The following CARMIL1 variants were observed in gnomAD, a reference collection of about 807,000 sequenced individuals.
CARMIL1 encodes the protein F-actin-uncapping protein LRRC16A.
In CARMIL1, 90 loss-of-function variants were observed where a neutral mutation model predicts 177.1. The observed-to-expected ratio is 0.51, with a 90% CI of 0.43 to 0.61. The LOEUF is 0.61. Among genes scored for constraint, CARMIL1 ranks in the 20% least tolerant of loss-of-function variants. The pLI, the probability that CARMIL1 is intolerant of heterozygous loss-of-function variation, is 0.00. For missense variants in CARMIL1, 1,380 were observed against 1,667.0 expected (o/e 0.83, Z 3.00); for synonymous variants, 577 against 606.2 (o/e 0.95, Z 0.71).
chr6:25,446,049 TC>T (rs1798204494), intron 5 of CARMIL1, among the ~76,000 whole-genome samples: 1 of 152,184 alleles, frequency 6.6e-6, no homozygotes. Flanking sequence ...TGTAAATAGA[TC>T]TGCTATCACC....
chr6:25,486,262 C>T (rs1802645689), intron 12 of CARMIL1, among the ~76,000 whole-genome samples: 1 of 152,026 alleles, frequency 6.6e-6, no homozygotes, highest in Non-Finnish European at 1.5e-5. Flanking sequence ...TAACACAGGC[C>T]TCATGTGAGC....
In CARMIL1 at chr6:25,322,006, C is replaced by T. The variant is rs185575116; in HGVS notation, c.138+37097C>T. Among the ~76,000 whole-genome samples, 203 of 152,168 alleles carry T rather than the reference C, an allele frequency of 1.3e-3. 2 individuals carry two copies. Among genetic ancestry groups the T allele is most frequent in the South Asian group, 0.013 (64 of 4,818 alleles). ...ACCAGGTCACGCTGTGTTGCCTAGG[C>T]TGCGTTAGAACTCCTGGGCTCAAGA... On this transcript the variant is annotated intron_variant, in intron 2 of 36. Transcript: ENST00000329474.
intron 32 of CARMIL1, among the ~76,000 whole-genome samples, chr6:25,596,991 G>T (rs1814922599): frequency 6.6e-6 from 1 of 152,052 alleles, no homozygotes; most frequent in South Asian, 2.1e-4. Flanking sequence ...CTTATGAGTG[G>T]GTAATTTATA....
intron 5 of CARMIL1, among the ~76,000 whole-genome samples, chr6:25,443,927 C>T (rs191112685): frequency 1.1e-4 from 16 of 152,178 alleles, no homozygotes; most frequent in Admixed American, 4.6e-4. Flanking sequence ...CCTCAGCCTC[C>T]GGAGTAGCTG....
intron 2 of CARMIL1, among the ~76,000 whole-genome samples, chr6:25,347,067 G>A (rs958688216): frequency 1.3e-5 from 2 of 152,148 alleles, no homozygotes; most frequent in African/African-American, 2.4e-5. Flanking sequence ...TAAGGATGGG[G>A]CAACTTAACA....
At chr6:25,320,997 C>T (rs1194995113) in intron 2 of CARMIL1, among the ~76,000 whole-genome samples, 1 of 152,176 alleles carries the variant, frequency 6.6e-6, no homozygotes, top group Admixed American at 6.5e-5. Context: ...GCCCATGGGC[C>T]ATGAATTGGA....
intron 29 of CARMIL1, among the ~76,000 whole-genome samples, chr6:25,570,725 G>A (rs944953047): frequency 1.3e-5 from 2 of 152,200 alleles, no homozygotes; most frequent in Non-Finnish European, 2.9e-5. Flanking sequence ...TAACTTTTAT[G>A]TGAAATGAGA....
chr6:25,459,280 TAA>T (rs1398676668), intron 8 of CARMIL1, among the ~76,000 whole-genome samples: 34 of 129,052 alleles, frequency 2.6e-4, no homozygotes, highest in East Asian at 6.7e-4. Flanking sequence ...TTTTTTTTTT[TAA>T]GACAGGGTCT....
chr6:25,580,348 G>A lies in CARMIL1; in HGVS notation c.2743-576G>A, dbSNP rs112552016. Among the ~76,000 whole-genome samples, 457 of 152,294 alleles carry A rather than the reference G, an allele frequency of 3.0e-3. 3 individuals carry two copies. Among genetic ancestry groups the A allele is most frequent in the African/African-American group, 9.7e-3 (403 of 41,566 alleles). On this transcript the variant is annotated intron_variant, in intron 29 of 36. Coordinates refer to ENST00000329474, the MANE Select transcript of CARMIL1 (RefSeq NM_017640.6). ...GTTTTGGCCCTTGGTTTGAGTTTCG[G>A]TTTCATTTTTTAGAAGATTAACAGG...
At chr6:25,406,423 T>G (rs1048217852) in intron 2 of CARMIL1, among the ~76,000 whole-genome samples, 5 of 151,114 alleles carry the variant, frequency 3.3e-5, no homozygotes, top group Admixed American at 3.3e-4. Flanking sequence ...CTGAAGAGCT[T>G]AAGCAGAGAA....
intron 2 of CARMIL1, among the ~76,000 whole-genome samples, chr6:25,356,569 T>C (rs1313353145): frequency 6.6e-6 from 1 of 152,178 alleles, no homozygotes; most frequent in Non-Finnish European, 1.5e-5. Context: ...CTTTCTCAAT[T>C]TAGTACAAGG....
intron 2 of CARMIL1, among the ~76,000 whole-genome samples, chr6:25,373,290 G>T (rs1481835111): frequency 6.6e-6 from 1 of 151,730 alleles, no homozygotes; most frequent in Non-Finnish European, 1.5e-5. Flanking sequence ...AGTTATAGAG[G>T]ATGCCCTCTT....
intron 23 of CARMIL1, chr6:25,527,684 G>A (rs542027253): frequency 1.5e-4 from 65 of 447,090 alleles, no homozygotes; most frequent in Admixed American, 7.9e-4. Context: ...TTCATTTCAG[G>A]TATCTTTTCG....
chr6:25,358,725 A>G (rs533490161), intron 2 of CARMIL1, among the ~76,000 whole-genome samples: 2 of 152,344 alleles, frequency 1.3e-5, no homozygotes, highest in African/African-American at 4.8e-5. Flanking sequence ...GAAGTGATAT[A>G]TTGCTGAAGT....
At chr6:25,410,172 A>AT (rs1460716860) in intron 2 of CARMIL1, among the ~76,000 whole-genome samples, 1 of 150,936 alleles carries the variant, frequency 6.6e-6, no homozygotes, top group Non-Finnish European at 1.5e-5. Flanking sequence ...GAAAATATGT[A>AT]TTTTTTTCAT....
In CARMIL1 at chr6:25,594,537, G is replaced by T; in HGVS notation, c.3119+10G>T. ...CCAAAATGGATTCCAAGTGAGTTCA[G>T]AGTAATTTCACTGATAATGCTATTT... On this transcript the variant is annotated intron_variant, in intron 32 of 36. Coordinates refer to ENST00000329474, the MANE Select transcript of CARMIL1 (RefSeq NM_017640.6). The T allele has an allele frequency of 6.9e-7, 1 of 1,451,636 alleles. No individual in the cohort carries two copies. Among genetic ancestry groups the T allele is most frequent in the South Asian group, 1.2e-5 (1 of 85,912 alleles). The allele number at this position is 1,451,636 out of a possible 1,614,324, so 89.9% of individuals were successfully genotyped here. A position where few individuals can be genotyped will look rare whatever the true frequency, so the allele number is the denominator to read the frequency against.
rs115759674 is a variant in CARMIL1, at chr6:25,406,175, C to T, written c.139-13939C>T. Among the ~76,000 whole-genome samples, 816 of 152,230 alleles carry T rather than the reference C, an allele frequency of 5.4e-3. 8 individuals carry two copies. The highest frequency in any genetic ancestry group is 0.017 in the African/African-American group (694 of 41,516). ...GTATTCATAAGAAAATGTGCAAATA[C>T]GGTGGGAGTATATAATAGGGAGACC... On this transcript the variant is annotated intron_variant, in intron 2 of 36. Coordinates refer to ENST00000329474, the MANE Select transcript of CARMIL1 (RefSeq NM_017640.6).
At chr6:25,482,070 C>T (rs1272752763) in intron 11 of CARMIL1, among the ~76,000 whole-genome samples, 187 bp from the exon 12 acceptor site, 1 of 152,180 alleles carries the variant, frequency 6.6e-6, no homozygotes, top group African/African-American at 2.4e-5. Flanking sequence ...TTCCCCTTCT[C>T]TTACCCTGTA....
chr6:25,360,169 A>G (rs1485401944), intron 2 of CARMIL1, among the ~76,000 whole-genome samples: 2 of 152,234 alleles, frequency 1.3e-5, no homozygotes, highest in Non-Finnish European at 2.9e-5. Flanking sequence ...CCTGCACTGC[A>G]TTAAAAATCC....
Sources: allele counts gnomAD v4.1 joint callset (sites outside exome capture counted in the v4.1 genomes callset), GRCh38; gene constraint gnomAD v4.1.1; transcripts MANE v1.5; gene names NCBI Gene and HGNC (gene_info 2026-07-23, HGNC 2026-07-21).